CRLF2: variants seen among roughly 807,000 people sequenced by gnomAD.
CRLF2 encodes cytokine receptor like factor 2.
CRLF2 carries 41 observed loss-of-function variants against 38.7 expected under a neutral mutation model. The ratio of observed to expected loss-of-function variants is 1.06; its 90% CI spans 0.83 to 1.37. The LOEUF is 1.37. Among genes scored for constraint, CRLF2 ranks in the 40% most tolerant of loss-of-function variants. The pLI is 0.00. For synonymous variants in CRLF2, 140 were observed against 128.8 expected (o/e 1.09, Z -0.59); for missense variants, 377 against 322.2 (o/e 1.17, Z -1.30).
chrX:1,204,290 G>T (rs1165176592), intron 3 of CRLF2, among the ~76,000 whole-genome samples: 1 of 151,736 alleles, frequency 6.6e-6, no homozygotes, highest in Admixed American at 6.6e-5. Context: ...GTGCAATGGC[G>T]CGATCTCGGC....
chrX:1,208,677 A>C (rs1287800633), intron 2 of CRLF2, 129 bp downstream of exon 2: 67 of 673,284 alleles, frequency 1.0e-4, no homozygotes, highest in Admixed American at 1.2e-4. Context: ...GGTTTCACAG[A>C]ACAAACATTC....
At chrX:1,202,624 C>T in intron 3 of CRLF2, 89 bp from the exon 4 acceptor site, 1 of 1,452,546 alleles carries the variant, frequency 6.9e-7, no homozygotes, top group Non-Finnish European at 9.4e-7. Context: ...AGCCTGTACC[C>T]CTCCTCCCCT....
At chrX:1,194,528 A>T (rs1427524408) in intron 6 of CRLF2, among the ~76,000 whole-genome samples, 388 of 151,920 alleles carry the variant, frequency 2.6e-3, no homozygotes, top group Middle Eastern at 6.8e-3. Context: ...TGCACACAGC[A>T]GATTTGCATT....
At chrX:1,194,695 C>G (rs1410751003) in intron 6 of CRLF2, among the ~76,000 whole-genome samples, 8 of 152,018 alleles carry the variant, frequency 5.3e-5, no homozygotes, top group Admixed American at 2.0e-4. Flanking sequence ...AAAATGAGGT[C>G]ACTAGGGAGG....
chrX:1,198,150 C>A (rs1223161415), intron 5 of CRLF2, among the ~76,000 whole-genome samples: 1 of 136,456 alleles, frequency 7.3e-6, no homozygotes, highest in Non-Finnish European at 1.6e-5. Flanking sequence ...CCCTCCCTCC[C>A]ACCTCGAAGG....
At chrX:1,195,117 C>T (rs1295681629) in intron 6 of CRLF2, among the ~76,000 whole-genome samples, 7 of 146,896 alleles carry the variant, frequency 4.8e-5, no homozygotes, top group East Asian at 4.0e-4. Context: ...TGCTTGAACT[C>T]GGGAGGCAGA....
At chrX:1,197,393 C>T (rs2086502563) in intron 5 of CRLF2, among the ~76,000 whole-genome samples, 1 of 151,970 alleles carries the variant, frequency 6.6e-6, no homozygotes, top group Non-Finnish European at 1.5e-5. Context: ...CCCACAGCCA[C>T]CCCGAGGAAG....
chrX:1,208,952 AT>A (rs752859429), intron 1 of CRLF2, 44 bp from the exon 2 acceptor site: 131 of 1,041,210 alleles, frequency 1.3e-4, no homozygotes, highest in African/African-American at 1.8e-4. Context: ...AGGCAACTCT[AT>A]TTTTTTATTT....
At chrX:1,192,204 C>CAAAGA (rs2086395736) in intron 7 of CRLF2, among the ~76,000 whole-genome samples, 1 of 78,810 alleles carries the variant, frequency 1.3e-5, no homozygotes, top group African/African-American at 5.1e-5. Context: ...GACTCCGTCT[C>CAAAGA]AAAAAAAAAA....
chrX:1,204,096 A>AAAAAAAAAAAAAAAG (rs370190016), intron 3 of CRLF2, among the ~76,000 whole-genome samples: 21 of 133,440 alleles, frequency 1.6e-4, no homozygotes, highest in African/African-American at 5.0e-4. Flanking sequence ...TCTCAAAAAA[A>AAAAAAAAAAAAAAAG]AGAGAGAACA....
chrX:1,211,335 T>G (rs1260195066), intron 1 of CRLF2, among the ~76,000 whole-genome samples: 7 of 50,962 alleles, frequency 1.4e-4, no homozygotes, highest in Admixed American at 2.2e-4. Context: ...ATGGATGTAT[T>G]GGTGGGTGGA....
At position 1,198,702 on chromosome X, in the gene CRLF2, T is replaced by C; in HGVS notation, c.506A>G (p.Asn169Ser). Residue 169 changes from asparagine (N) to serine (S), a missense_variant, in exon 5 of 8, where the codon AAC (asparagine) becomes AGC (serine). Coordinates refer to ENST00000400841, the MANE Select transcript of CRLF2 (RefSeq NM_022148.4). ...EWQSKQENTC[N>S]VTIEGLDAEK... ...GGCATCCAAGCCTTCTATGGTGACG[T>C]TGCAGGTATTTTCCTGTTTGGACTG... 1 of 1,611,594 alleles carries C rather than the reference T, an allele frequency of 6.2e-7. No individual in the cohort carries two copies. Among genetic ancestry groups the C allele is most frequent in the Non-Finnish European group, 8.5e-7 (1 of 1,179,342 alleles).
chrX:1,198,758 C>T lies in CRLF2; in HGVS notation c.484-34G>A, dbSNP rs1262486193. ...ACATACACACACACACACACACACACACACACACACACACACACACACACA... is the reference window on the plus strand; with the variant it reads ...ACATACACACACACACACACACACATACACACACACACACACACACACACA... On this transcript the variant is annotated intron_variant, in intron 4 of 7. Coordinates refer to ENST00000400841, the MANE Select transcript of CRLF2 (RefSeq NM_022148.4). The T allele has an allele frequency of 1.0e-4, 138 of 1,370,412 alleles. 7 individuals carry two copies. The highest frequency in any genetic ancestry group is 1.8e-4 in the Middle Eastern group (1 of 5,570). 84.9% of individuals were successfully genotyped at this position (1,370,412 alleles called of 1,614,324 possible).
At chrX:1,192,082 G>A (rs1307291080) in intron 7 of CRLF2, among the ~76,000 whole-genome samples, 95 of 149,012 alleles carry the variant, frequency 6.4e-4, no homozygotes, top group Non-Finnish European at 1.1e-3. Context: ...GCGGGCGCCT[G>A]TAGTCCCAGC....
At chrX:1,197,013 G>GC in intron 5 of CRLF2, 113 bp from the exon 6 acceptor site, 1 of 807,996 alleles carries the variant, frequency 1.2e-6, no homozygotes, top group African/African-American at 1.9e-5. Context: ...TTTGGTGTTC[G>GC]TTTTTTTTTC....
At chrX:1,210,112 AAAAG>A (rs1247727044) in intron 1 of CRLF2, among the ~76,000 whole-genome samples, 13 of 22,876 alleles carry the variant, frequency 5.7e-4, no homozygotes, top group South Asian at 5.5e-3. Flanking sequence ...TCAAAAAAAA[AAAAG>A]AAAAGAAAAG....
In CRLF2 at chrX:1,190,963, G is replaced by A. The variant is rs1165061698; in HGVS notation, c.1050C>T (p.Gly350=). ...SLQLPHQPLQ[G]GDVVTIGGFT... ...AGCCCCCGATTGTGACCACATCACC[G>A]CCTTGGAGGGGCTGGTGGGGAAGCT... The change falls in exon 8 of 8, where the codon GGC becomes GGT. Residue 350 remains glycine, a synonymous_variant. Coordinates refer to ENST00000400841, the MANE Select transcript of CRLF2 (RefSeq NM_022148.4). 215,440 of 398,380 alleles carry A rather than the reference G, an allele frequency of 0.54. 58,457 individuals are homozygous for A. Among genetic ancestry groups the A allele is most frequent in the East Asian group, 0.6 (16,930 of 28,022 alleles). 24.7% of individuals were successfully genotyped at this position (398,380 alleles called of 1,614,324 possible).
chrX:1,210,141 G>GAA (rs1454015992), intron 1 of CRLF2, among the ~76,000 whole-genome samples: 1 of 142,964 alleles, frequency 7.0e-6, no homozygotes, highest in Non-Finnish European at 1.5e-5. Flanking sequence ...GAAAAGAAAA[G>GAA]AAAAGAAATG....
rs769805287 is a variant in CRLF2 at position 1,202,520 on chromosome X, G to A, written c.365C>T (p.Pro122Leu). ...ATGCCACGAAAATCTCACGTGCTTC[G>A]GGGAACTGGGTTTCACTGAGAAGAA... ...WMVYYLKPSS[P>L]KHVRFSWHQD... The change falls in exon 4 of 8, where the codon CCG becomes CTG. Residue 122 changes from proline to leucine, a missense_variant. Physicochemically the swap from Pro to Leu is moderately conservative, Grantham distance 98. Transcript: ENST00000400841. 43 of 1,613,528 alleles carry A rather than the reference G, an allele frequency of 2.7e-5. No homozygotes were observed. In the Middle Eastern group the frequency reaches 4.9e-4, roughly 19 times the overall value.
Sources: gnomAD v4.1 joint callset for allele counts (sites outside exome capture counted in the v4.1 genomes callset) on GRCh38, gnomAD v4.1.1 for gene constraint, MANE v1.5 for transcripts, NCBI Gene and HGNC (gene_info 2026-07-23, HGNC 2026-07-21) for gene names.